NOX4: variants seen among roughly 807,000 people sequenced by gnomAD.
The protein encoded by NOX4 is NADPH oxidase 4.
A neutral mutation model predicts 87.6 loss-of-function variants in NOX4; 69 were observed. That is an observed-to-expected ratio of 0.79 (90% CI 0.65 to 0.96). NOX4 has a LOEUF of 0.96. NOX4 is among the 40% of genes least tolerant of loss of function. NOX4 has a pLI of 0.00. For missense variants in NOX4, 680 were observed against 681.5 expected (o/e 1.00, Z 0.02); for synonymous variants, 275 against 238.2 (o/e 1.15, Z -1.42).
At position 89,345,036 on chromosome 11, in the gene NOX4, C is replaced by T. The variant is rs553167266; in HGVS notation, c.1218-2843G>A. On this transcript the variant is annotated intron_variant, in intron 13 of 17. Coordinates refer to ENST00000263317, the MANE Select transcript of NOX4 (RefSeq NM_016931.5). ...TATGGCAGTTTTAGACCATTCTAGT[C>T]TCAGGAGATAATCATATCAATAGAA... Among the ~76,000 whole-genome samples, 23 of 152,226 alleles carry T rather than the reference C, an allele frequency of 1.5e-4. 1 individual carries two copies. The highest frequency in any genetic ancestry group is 5.5e-4 in the African/African-American group (23 of 41,520).
At chr11:89,429,369 C>G (rs368338854) in intron 7 of NOX4, among the ~76,000 whole-genome samples, 3 of 151,966 alleles carry the variant, frequency 2.0e-5, no homozygotes, top group African/African-American at 4.8e-5. Context: ...CAGAGAAGAA[C>G]TGAAGGAGAC....
Position 89,351,205 on chromosome 11 carries a change from C to A in NOX4, c.1217+3757G>T, listed in dbSNP as rs566637878. On this transcript the variant is annotated intron_variant, in intron 13 of 17. Transcript: ENST00000263317. ...ATTAAACCAGCCACAACACAACATT[C>A]TCTTCAGCCAAAGACTAATCCAGAA... 3.3e-5 allele frequency among the ~76,000 whole-genome samples: 5 copies of A among 152,332 alleles called. No individual in the cohort carries two copies. The East Asian group carries it at 9.6e-4, about 29-fold the overall frequency.
At chr11:89,545,547 T>A in the NOX4 span, 1 of 152,078 alleles carries the variant, frequency 6.6e-6, no homozygotes, top group South Asian at 2.1e-4. Flanking sequence ...TAACCTTCAA[T>A]GTAAGTATTA....
At chr11:89,420,065 T>G (rs1320886588) in intron 8 of NOX4, among the ~76,000 whole-genome samples, 1 of 151,936 alleles carries the variant, frequency 6.6e-6, no homozygotes, top group Non-Finnish European at 1.5e-5. Context: ...AGTACAGACC[T>G]CTCCAAAAAA....
intron 6 of NOX4, among the ~76,000 whole-genome samples, chr11:89,433,437 G>A (rs577257124): frequency 6.6e-6 from 1 of 152,052 alleles, no homozygotes; most frequent in South Asian, 2.1e-4. Flanking sequence ...ACAGGACAGG[G>A]TTAACTTTCA....
chr11:89,529,044 A>T, the NOX4 span, among the ~76,000 whole-genome samples: 1 of 152,186 alleles, frequency 6.6e-6, no homozygotes. Context: ...AAACAGAAGA[A>T]ATCAAATCCC....
chr11:89,378,398 A>G (rs1191800202), intron 11 of NOX4, among the ~76,000 whole-genome samples: 1 of 152,094 alleles, frequency 6.6e-6, no homozygotes, highest in Non-Finnish European at 1.5e-5. Context: ...AAGATATCCT[A>G]ATTTTTCTTG....
At chr11:89,555,615 C>T in the NOX4 span, among the ~76,000 whole-genome samples, 1 of 152,060 alleles carries the variant, frequency 6.6e-6, no homozygotes, top group Non-Finnish European at 1.5e-5. Flanking sequence ...GAGGCCTTCT[C>T]CAGGTCTTCA....
chr11:89,519,246 T>C, the NOX4 span, among the ~76,000 whole-genome samples: 3 of 152,048 alleles, frequency 2.0e-5, no homozygotes, highest in Admixed American at 6.6e-5. Context: ...TTAGGGAAAG[T>C]TGTTCATGTA....
At chr11:89,422,183 T>G (rs10501702) in intron 7 of NOX4, among the ~76,000 whole-genome samples, 5,278 of 152,244 alleles carry the variant, frequency 0.035, 322 homozygotes, top group African/African-American at 0.12. Context: ...ATTTTATCAT[T>G]TTGTAAGTTC....
chr11:89,458,786 T>C (rs1044840087), intron 2 of NOX4, among the ~76,000 whole-genome samples: 2 of 152,062 alleles, frequency 1.3e-5, no homozygotes, highest in African/African-American at 4.8e-5. Context: ...ATGGCTATAA[T>C]TAAAAAGTTA....
At chr11:89,434,190 T>C (rs1055290443) in intron 6 of NOX4, among the ~76,000 whole-genome samples, 2 of 152,050 alleles carry the variant, frequency 1.3e-5, no homozygotes, top group East Asian at 1.9e-4. Flanking sequence ...TGTGTATCAT[T>C]AGGATTCCAG....
chr11:89,503,260 TA>T, the NOX4 span, among the ~76,000 whole-genome samples: 1 of 151,940 alleles, frequency 6.6e-6, no homozygotes, highest in Non-Finnish European at 1.5e-5. Flanking sequence ...CACAGAGAGA[TA>T]AGTCCTCAAC....
intron 2 of NOX4, among the ~76,000 whole-genome samples, chr11:89,482,613 A>G (rs1468444919): frequency 6.6e-6 from 1 of 152,062 alleles, no homozygotes; most frequent in Non-Finnish European, 1.5e-5. Context: ...TAGAACTATG[A>G]AGAAATTTCT....
chr11:89,587,401 T>C, the NOX4 span, among the ~76,000 whole-genome samples: 6 of 152,262 alleles, frequency 3.9e-5, no homozygotes, highest in East Asian at 1.2e-3. Context: ...ATGGAGATTC[T>C]GAGATTCAAA....
At chr11:89,379,326 C>T (rs923498251) in intron 11 of NOX4, among the ~76,000 whole-genome samples, 1 of 151,742 alleles carries the variant, frequency 6.6e-6, no homozygotes, top group Non-Finnish European at 1.5e-5. Context: ...CTGGAAAAAC[C>T]CAGGTCTCAG....
the NOX4 span, among the ~76,000 whole-genome samples, chr11:89,510,195 C>T: frequency 1.3e-5 from 2 of 151,988 alleles, no homozygotes; most frequent in Non-Finnish European, 2.9e-5. Flanking sequence ...CTAGAAGGTA[C>T]CCTGCTCATT....
At chr11:89,389,574 G>A (rs1177363171) in intron 11 of NOX4, among the ~76,000 whole-genome samples, 4 of 152,148 alleles carry the variant, frequency 2.6e-5, no homozygotes, top group African/African-American at 9.6e-5. Context: ...GAGCTTAGTA[G>A]TATGGACAAT....
intron 12 of NOX4, among the ~76,000 whole-genome samples, chr11:89,369,127 C>T (rs556022938): frequency 2.6e-5 from 4 of 152,070 alleles, no homozygotes; most frequent in African/African-American, 9.6e-5. Context: ...GCTTTTCTAA[C>T]CTTGTGTAAC....
Sources: allele counts gnomAD v4.1 joint callset (sites outside exome capture counted in the v4.1 genomes callset), GRCh38; gene constraint gnomAD v4.1.1; transcripts MANE v1.5; gene names NCBI Gene and HGNC (gene_info 2026-07-23, HGNC 2026-07-21).